Variants in CGNL1 observed in about 807,000 individuals in gnomAD.
CGNL1 encodes the protein cingulin-like protein 1.
In CGNL1, 132 loss-of-function variants were observed where a neutral mutation model predicts 141.2. That is an observed-to-expected ratio of 0.93 (90% CI 0.81 to 1.08). The LOEUF is 1.08. Ranked by LOEUF, CGNL1 falls within the 50% of genes least tolerant of loss-of-function variation. The pLI is 0.00. For missense variants in CGNL1, 1,870 were observed against 1,588.6 expected (o/e 1.18, Z -3.01); for synonymous variants, 690 against 622.1 (o/e 1.11, Z -1.63).
chr15:57,504,842 AC>A (rs1370144360), intron 8 of CGNL1, among the ~76,000 whole-genome samples: 9 of 152,354 alleles, frequency 5.9e-5, no homozygotes, highest in African/African-American at 2.2e-4. Flanking sequence ...GGAGAGAAGA[AC>A]TGGAAATATT....
At chr15:57,388,369 G>A (rs186798330) in intron 1 of CGNL1, among the ~76,000 whole-genome samples, 170 of 152,278 alleles carry the variant, frequency 1.1e-3, no homozygotes, top group Middle Eastern at 3.4e-3. Context: ...AAGACAGGAG[G>A]GTGAGGGGAG....
intron 17 of CGNL1, 115 bp downstream of exon 17, chr15:57,545,815 C>T (rs2032831618): frequency 1.2e-6 from 1 of 867,830 alleles, no homozygotes; most frequent in Non-Finnish European, 1.8e-6. Flanking sequence ...GCTGATTCCT[C>T]CCTTTCCACG....
chr15:57,393,522 T>C (rs2062565779), intron 1 of CGNL1, among the ~76,000 whole-genome samples: 1 of 152,214 alleles, frequency 6.6e-6, no homozygotes, highest in Non-Finnish European at 1.5e-5. Flanking sequence ...TGTGTATTTA[T>C]GCATGTGTGT....
At chr15:57,524,808 C>A in intron 12 of CGNL1, 57 bp downstream of exon 12, 1 of 1,553,130 alleles carries the variant, frequency 6.4e-7, no homozygotes, top group Non-Finnish European at 8.8e-7. Flanking sequence ...ATCCTTTGCC[C>A]TGAAAGTCTT....
intron 1 of CGNL1, among the ~76,000 whole-genome samples, chr15:57,416,215 TA>T (rs150677525): frequency 0.25 from 36,578 of 148,442 alleles, 4,582 homozygotes; most frequent in East Asian, 0.41. Flanking sequence ...TTTTTTTTTT[TA>T]AATTGTAAGG....
At position 57,409,103 on chromosome 15, in the gene CGNL1, G is replaced by T. The variant is rs2152267314; in HGVS notation, c.-15-28882G>T. On this transcript the variant is annotated intron_variant, in intron 1 of 18. Coordinates refer to ENST00000281282, the MANE Select transcript of CGNL1 (RefSeq NM_032866.5). ...CTTTTGACTTCCTACCCTCAGGCAT[G>T]TGTGCATTAATTGAGGACATTAGGA... Among the ~76,000 whole-genome samples the T allele has an allele frequency of 1.3e-5, 2 of 150,148 alleles. 1 individual carries two copies. The highest frequency in any genetic ancestry group is 4.2e-4 in the South Asian group (2 of 4,748).
At position 57,461,898 on chromosome 15, in the gene CGNL1, G is replaced by T; in HGVS notation, c.2403+6G>T. 1.2e-6 allele frequency: 2 copies of T among 1,610,398 alleles called. No individual in the cohort carries two copies. The highest frequency in any genetic ancestry group is 1.3e-5 in the African/African-American group (1 of 74,938). ...GTGTGGAAGAAGCAACCAAGGTGAG[G>T]GATGGGGCAGGAGAATCTGGCTTGT... On this transcript the variant is annotated splice_donor_region_variant and intron_variant, in intron 8 of 18. Transcript: ENST00000281282.
At position 57,451,550 on chromosome 15, in the gene CGNL1, G is replaced by A. The variant is rs1567126510; in HGVS notation, c.1854G>A (p.Lys618=). Residue 618 remains lysine (K), a synonymous_variant, in exon 5 of 19, where the codon AAG becomes AAA. Transcript: ENST00000281282. The part of the protein sequence containing the change: ...EVKDLLEQKS[K]LTIEVAELQR... ...AAGATCTATTGGAACAGAAAAGCAA[G>A]TTGACCATAGAAGTGGCTGAACTTC... The A allele has an allele frequency of 1.2e-6, 2 of 1,613,218 alleles. No homozygotes were observed. Among genetic ancestry groups the A allele is most frequent in the Non-Finnish European group, 1.7e-6 (2 of 1,179,578 alleles).
intron 8 of CGNL1, among the ~76,000 whole-genome samples, chr15:57,497,464 G>A (rs1254360079): frequency 6.6e-6 from 1 of 152,168 alleles, no homozygotes; most frequent in Non-Finnish European, 1.5e-5. Flanking sequence ...CTCAGCAGGG[G>A]AAAAAGAATA....
chr15:57,550,026 T>G lies in CGNL1; in HGVS notation c.*2536T>G, dbSNP rs985291039. ...GCTGCCCCTCATTCTGGCCAGTTCT[T>G]TCCAGTAGCCATGGGGCTGGCTACA... is the stretch of plus-strand genomic sequence containing the variant. On this transcript the variant is annotated 3_prime_UTR_variant, in exon 19 of 19. Coordinates refer to ENST00000281282, the MANE Select transcript of CGNL1 (RefSeq NM_032866.5). The G allele has an allele frequency of 3.9e-5, 6 of 152,234 alleles. No homozygotes were observed. In the East Asian group the frequency reaches 1.2e-3, roughly 29 times the overall value. The allele number at this position is 152,234 out of a possible 1,614,324, so 9.4% of individuals were successfully genotyped here.
chr15:57,481,101 T>A (rs1403183466), intron 8 of CGNL1, among the ~76,000 whole-genome samples: 2 of 143,924 alleles, frequency 1.4e-5, no homozygotes, highest in Non-Finnish European at 3.0e-5. Context: ...ATGGGCAAAG[T>A]TTAAAAAAGA....
In CGNL1 at chr15:57,506,336, G is replaced by A. The variant is rs1449382508; in HGVS notation, c.2404-10444G>A. On this transcript the variant is annotated intron_variant, in intron 8 of 18. Transcript: ENST00000281282. ...GGTTCTATAAACAGAACTTTTACAT[G>A]CTGGTCACAAGGTTAGCTTAGACTG... Among the ~76,000 whole-genome samples, 16 of 152,344 alleles carry A rather than the reference G, an allele frequency of 1.1e-4. 1 individual carries two copies. Among genetic ancestry groups the A allele is most frequent in the Admixed American group, 3.3e-4 (5 of 15,304 alleles).
chr15:57,538,884 G>A (rs550326257), intron 14 of CGNL1, among the ~76,000 whole-genome samples: 5 of 152,230 alleles, frequency 3.3e-5, no homozygotes, highest in East Asian at 3.9e-4. Flanking sequence ...AAGACACAAC[G>A]GGGAGGGGAA....
At chr15:57,393,122 A>G (rs1373506705) in intron 1 of CGNL1, among the ~76,000 whole-genome samples, 1 of 152,230 alleles carries the variant, frequency 6.6e-6, no homozygotes, top group African/African-American at 2.4e-5. Flanking sequence ...ACATTGTGCC[A>G]TAGTCTTAAT....
At position 57,547,743 on chromosome 15, in the gene CGNL1, A is replaced by C; in HGVS notation, c.*253A>C. 2.2e-6 allele frequency: 1 copy of C among 450,764 alleles called. No homozygotes were observed. Among genetic ancestry groups the C allele is most frequent in the Non-Finnish European group, 3.9e-6 (1 of 253,766 alleles). 27.9% of individuals were successfully genotyped at this position (450,764 alleles called of 1,614,324 possible). A position where few individuals can be genotyped will look rare whatever the true frequency, so the allele number is the denominator to read the frequency against. ...CACCCACTGGGGTGTTGTGAGAGATACACTTTGGTAGGCTGAGGCCCCTGT... is the reference window on the plus strand; with the variant it reads ...CACCCACTGGGGTGTTGTGAGAGATCCACTTTGGTAGGCTGAGGCCCCTGT... On this transcript the variant is annotated 3_prime_UTR_variant, in exon 19 of 19. Transcript: ENST00000281282.
intron 1 of CGNL1, among the ~76,000 whole-genome samples, chr15:57,400,496 A>G (rs1367586273): frequency 6.6e-6 from 1 of 152,192 alleles, no homozygotes; most frequent in East Asian, 1.9e-4. Context: ...TGTTGCCTAA[A>G]AAGAAAATGG....
At chr15:57,383,846 C>T (rs935325220) in intron 1 of CGNL1, among the ~76,000 whole-genome samples, 8 of 151,646 alleles carry the variant, frequency 5.3e-5, no homozygotes, top group African/African-American at 1.9e-4. Context: ...GCCATGTTGC[C>T]CAGGCAGGTC....
chr15:57,533,055 A>AT (rs2032042630), intron 14 of CGNL1, among the ~76,000 whole-genome samples: 1 of 152,244 alleles, frequency 6.6e-6, no homozygotes, highest in Admixed American at 6.5e-5. Flanking sequence ...TGCTCAAAGT[A>AT]GAACGTGAAT....
At chr15:57,492,265 T>C (rs2063875962) in intron 8 of CGNL1, among the ~76,000 whole-genome samples, 1 of 152,168 alleles carries the variant, frequency 6.6e-6, no homozygotes, top group Non-Finnish European at 1.5e-5. Context: ...GATCAGTTCA[T>C]TGATCCTAGA....
Sources: allele counts gnomAD v4.1 joint callset (sites outside exome capture counted in the v4.1 genomes callset), GRCh38; gene constraint gnomAD v4.1.1; transcripts MANE v1.5; gene names NCBI Gene and HGNC (gene_info 2026-07-23, HGNC 2026-07-21).